TESK2: variants seen among roughly 807,000 people sequenced by gnomAD.
The protein encoded by TESK2 is dual specificity testis-specific protein kinase 2.
TESK2 carries 39 observed loss-of-function variants against 57.1 expected under a neutral mutation model. The observed-to-expected ratio is 0.68, with a 90% CI of 0.53 to 0.89. The LOEUF (loss-of-function observed/expected upper bound fraction) is 0.89. Ranked by LOEUF, TESK2 falls within the 40% of genes least tolerant of loss-of-function variation. TESK2 has a pLI of 0.00. For missense variants in TESK2, 646 were observed against 732.1 expected (o/e 0.88, Z 1.36); for synonymous variants, 249 against 267.9 (o/e 0.93, Z 0.69).
chr1:45,489,370 T>C (rs1653622125), intron 1 of TESK2, among the ~76,000 whole-genome samples: 1 of 152,166 alleles, frequency 6.6e-6, no homozygotes, highest in Admixed American at 6.6e-5. Flanking sequence ...GTATTACCAT[T>C]CCATACTAAG....
In TESK2 at chr1:45,473,921, C is replaced by A. The variant is rs190438948; in HGVS notation, c.-86-16050G>T. On this transcript the variant is annotated intron_variant, in intron 1 of 10. Coordinates refer to ENST00000372086, the MANE Select transcript of TESK2 (RefSeq NM_007170.3). ...CAAACAATCCTCCCGCCTCAGCCCCCCAAAGTGCTAGGATTACAGGCATGA... is the reference window on the plus strand; with the variant it reads ...CAAACAATCCTCCCGCCTCAGCCCCACAAAGTGCTAGGATTACAGGCATGA... Among the ~76,000 whole-genome samples the A allele has an allele frequency of 1.4e-3, 206 of 151,982 alleles. 1 individual carries two copies. The highest frequency in any genetic ancestry group is 1.1e-3 in the Admixed American group (17 of 15,252).
At chr1:45,425,937 G>C (rs1478090552) in intron 2 of TESK2, among the ~76,000 whole-genome samples, 3 of 151,918 alleles carry the variant, frequency 2.0e-5, no homozygotes, top group African/African-American at 7.3e-5. Flanking sequence ...CTGAAGTCAG[G>C]AGTTTGAGAT....
chr1:45,395,912 G>A (rs753353108), intron 3 of TESK2, among the ~76,000 whole-genome samples: 1 of 152,086 alleles, frequency 6.6e-6, no homozygotes, highest in Non-Finnish European at 1.5e-5. Context: ...ATAAACGCTT[G>A]TTAGTCTTTC....
At chr1:45,489,105 T>C (rs1203582181) in intron 1 of TESK2, among the ~76,000 whole-genome samples, 2 of 148,406 alleles carry the variant, frequency 1.3e-5, no homozygotes, top group East Asian at 2.0e-4. Context: ...CACTCCAGCC[T>C]GGGCGACAGA....
Position 45,457,552 on chromosome 1 carries a change from A to C in TESK2, c.222+12T>G, listed in dbSNP as rs771145400. On this transcript the variant is annotated intron_variant, in intron 2 of 10. Transcript: ENST00000372086. ...AGCAAGACAATATGAGAAAAGCTGA[A>C]GACTCACTCACCTTGAACACTTCAG... is the stretch of plus-strand genomic sequence containing the variant. The C allele has an allele frequency of 1.9e-6, 3 of 1,610,964 alleles. No individual in the cohort carries two copies. In the South Asian group the frequency reaches 3.3e-5, roughly 18 times the overall value.
rs1434791941 is a variant in TESK2, at chr1:45,344,914, GC to G, written c.1641del (p.Arg547SerfsTer15). ...GASEEMEVEERPAGSTPATFS... is the reference protein window; with the variant it reads ...GASEEMEVEEXPAGSTPATFS... The stretch of plus-strand genomic sequence containing the variant: ...AAGGTGGCTGGAGTTGAGCCTGCTG[GC>G]CTTTCTTCTACCTCCATCTCCTCAG... On this transcript the variant is annotated frameshift_variant, in exon 11 of 11. Coordinates refer to ENST00000372086, the MANE Select transcript of TESK2 (RefSeq NM_007170.3). LOFTEE classifies it high-confidence loss of function. 9 of 1,614,036 alleles carry G rather than the reference GC, an allele frequency of 5.6e-6. No individual in the cohort carries two copies. The highest frequency in any genetic ancestry group is 7.6e-6 in the Non-Finnish European group (9 of 1,180,046).
intron 1 of TESK2, among the ~76,000 whole-genome samples, chr1:45,463,878 CATGCCCAGCCT>C (rs1652431496): frequency 6.6e-6 from 1 of 152,148 alleles, no homozygotes; most frequent in African/African-American, 2.4e-5. Flanking sequence ...CATGAGCCAC[CATGCCCAGCCT>C]ATGTGTCGGT....
intron 3 of TESK2, among the ~76,000 whole-genome samples, chr1:45,389,386 C>CT (rs1011234032): frequency 3.3e-5 from 5 of 152,090 alleles, no homozygotes; most frequent in African/African-American, 1.2e-4. Flanking sequence ...GTACTCAAGC[C>CT]TGGGTGACAG....
chr1:45,375,423 C>CTTTTTTTT (rs34730448), intron 4 of TESK2, among the ~76,000 whole-genome samples: 2 of 135,582 alleles, frequency 1.5e-5, no homozygotes, highest in African/African-American at 5.6e-5. Context: ...TTCCTTCACC[C>CTTTTTTTT]TTTTTTTTTT....
intron 7 of TESK2, 75 bp downstream of exon 7, chr1:45,347,534 G>A (rs1647163651): frequency 1.4e-6 from 2 of 1,393,718 alleles, no homozygotes; most frequent in Non-Finnish European, 2.0e-6. Context: ...TCCAGCCTGA[G>A]CAACATAGTG....
At chr1:45,377,176 T>C (rs923103066) in intron 4 of TESK2, among the ~76,000 whole-genome samples, 2 of 151,888 alleles carry the variant, frequency 1.3e-5, no homozygotes, top group East Asian at 3.9e-4. Flanking sequence ...GCTATGATGG[T>C]GCCACTGTAT....
chr1:45,421,118 G>T (rs905166088), intron 3 of TESK2, among the ~76,000 whole-genome samples: 1 of 152,230 alleles, frequency 6.6e-6, no homozygotes, highest in African/African-American at 2.4e-5. Flanking sequence ...TTAGCTGGAT[G>T]TGGTGGTGCG....
chr1:45,481,017 A>C (rs148863140), intron 1 of TESK2, among the ~76,000 whole-genome samples: 79 of 151,526 alleles, frequency 5.2e-4, no homozygotes, highest in Non-Finnish European at 9.1e-4. Context: ...TAACCAAAAA[A>C]AAAGAATGAG....
chr1:45,413,897 C>T (rs1241814239), intron 3 of TESK2: 2 of 454,390 alleles, frequency 4.4e-6, no homozygotes. Flanking sequence ...ATAATGTTTA[C>T]AGCTTGAAAA....
At position 45,345,474 on chromosome 1, in the gene TESK2, G is replaced by A. The variant is rs1042510736; in HGVS notation, c.1082C>T (p.Thr361Ile). 2 of 1,614,170 alleles carry A rather than the reference G, an allele frequency of 1.2e-6. No homozygotes were observed. The highest frequency in any genetic ancestry group is 1.7e-6 in the Non-Finnish European group (2 of 1,180,028). The change falls in exon 11 of 11, where the codon ACC (threonine) becomes ATC (isoleucine). Residue 361 changes from threonine (T) to isoleucine (I), a missense_variant. By Grantham distance (89) the Thr-to-Ile change is moderately conservative. Coordinates refer to ENST00000372086, the MANE Select transcript of TESK2 (RefSeq NM_007170.3). ...IPHKSPCPRR[T>I]IWLSRSQSDI... ...TGACTGGCTTCGAGACAGCCAGATG[G>A]TACGTCTTGGGCATGGTGACTTGTG...
intron 3 of TESK2, among the ~76,000 whole-genome samples, chr1:45,400,477 A>T (rs1047798495): frequency 6.6e-6 from 1 of 152,208 alleles, no homozygotes; most frequent in Non-Finnish European, 1.5e-5. Context: ...GCCACAGAAA[A>T]CTAATAATAG....
chr1:45,465,530 AAAAGAAAG>A (rs202180046), intron 1 of TESK2, among the ~76,000 whole-genome samples: 2 of 152,006 alleles, frequency 1.3e-5, no homozygotes, highest in Non-Finnish European at 2.9e-5. Flanking sequence ...GAAAAAGAGA[AAAAGAAAG>A]AAAGAAAGAA....
At chr1:45,440,394 C>A (rs1281500567) in intron 2 of TESK2, among the ~76,000 whole-genome samples, 1 of 151,968 alleles carries the variant, frequency 6.6e-6, no homozygotes, top group Non-Finnish European at 1.5e-5. Flanking sequence ...ACATAATCAT[C>A]AAAAATAAAA....
intron 2 of TESK2, among the ~76,000 whole-genome samples, chr1:45,427,521 A>G (rs569546791): frequency 5.3e-5 from 8 of 152,344 alleles, no homozygotes; most frequent in African/African-American, 1.9e-4. Context: ...GTGTCCATCA[A>G]CAAACAAATG....
Sources: gnomAD v4.1 joint callset for allele counts (sites outside exome capture counted in the v4.1 genomes callset) on GRCh38, gnomAD v4.1.1 for gene constraint, MANE v1.5 for transcripts, NCBI Gene and HGNC (gene_info 2026-07-23, HGNC 2026-07-21) for gene names.